CD38: variants seen among roughly 807,000 people sequenced by gnomAD.
The protein encoded by CD38 is CD38 molecule.
CD38 carries 31 observed loss-of-function variants against 36.3 expected under a neutral mutation model. That is an observed-to-expected ratio of 0.85 (90% CI 0.64 to 1.15). The LOEUF (loss-of-function observed/expected upper bound fraction) is 1.15, where lower values mean the gene tolerates loss of function less well. Among genes scored for constraint, CD38 ranks in the 50% most tolerant of loss-of-function variants. CD38 has a pLI of 0.00. For missense variants in CD38, 380 were observed against 371.9 expected (o/e 1.02, Z -0.18); for synonymous variants, 131 against 135.2 (o/e 0.97, Z 0.22).
At chr4:15,815,027 G>A (rs904941486) in intron 1 of CD38, among the ~76,000 whole-genome samples, 18 of 151,952 alleles carry the variant, frequency 1.2e-4, no homozygotes, top group African/African-American at 2.4e-4. Flanking sequence ...GGCTTGTCTC[G>A]AACTTATCAC....
chr4:15,779,797 C>T (rs1722650788), intron 1 of CD38, among the ~76,000 whole-genome samples: 1 of 149,226 alleles, frequency 6.7e-6, no homozygotes, highest in Non-Finnish European at 1.5e-5. Context: ...AAAGCAACCT[C>T]ATTAAAAAAA....
chr4:15,831,469 T>TTAATTAAATCCCTCACCTTTTGTTTG (rs1723957217), intron 3 of CD38, among the ~76,000 whole-genome samples: 1 of 152,190 alleles, frequency 6.6e-6, no homozygotes, highest in African/African-American at 2.4e-5. Context: ...AGGTCTCGTG[T>TTAATTAAATCCCTCACCTTTTGTTTG]TAATTAAATC....
intron 1 of CD38, among the ~76,000 whole-genome samples, chr4:15,790,409 C>T (rs1359857949): frequency 6.6e-6 from 1 of 152,098 alleles, no homozygotes; most frequent in Non-Finnish European, 1.5e-5. Context: ...AGCTCCTGAC[C>T]GCGAGTGATC....
Position 15,778,466 on chromosome 4 carries a change from C to T in CD38, c.52C>T (p.Leu18Phe), listed in dbSNP as rs772703691. Residue 18 changes from leucine (L) to phenylalanine (F), a missense_variant, in exon 1 of 8, where the codon CTC becomes TTC. Leu to Phe is a conservative substitution (Grantham distance 22). Transcript: ENST00000226279. The surrounding 1 kb of genome is among the most constrained non-coding windows in gnomAD (Gnocchi z 4.9). The part of the protein sequence containing the change: ...PVSGDKPCCR[L>F]SRRAQLCLGV... ...GTCCGGGGACAAACCCTGCTGCCGG[C>T]TCTCTAGGAGAGCCCAACTCTGTCT... 50 of 1,613,852 alleles carry T rather than the reference C, an allele frequency of 3.1e-5. No individual in the cohort carries two copies. Among genetic ancestry groups the T allele is most frequent in the Middle Eastern group, 3.3e-4 (2 of 6,084 alleles).
At chr4:15,783,142 C>A (rs771542155) in intron 1 of CD38, among the ~76,000 whole-genome samples, 3 of 152,168 alleles carry the variant, frequency 2.0e-5, no homozygotes, top group Admixed American at 6.5e-5. Flanking sequence ...CTGAAATACA[C>A]ATGGCCAAGA....
intron 1 of CD38, among the ~76,000 whole-genome samples, chr4:15,797,099 C>A (rs1457375173): frequency 6.6e-6 from 1 of 152,108 alleles, no homozygotes; most frequent in Non-Finnish European, 1.5e-5. Context: ...TTCCCCATAC[C>A]CATACTACCC....
rs1438140023 is a variant in CD38, at chr4:15,849,597, T to C, written c.*995T>C. 1 of 152,264 alleles carries C rather than the reference T, an allele frequency of 6.6e-6. No individual in the cohort carries two copies. Among genetic ancestry groups the C allele is most frequent in the Non-Finnish European group, 1.5e-5 (1 of 68,044 alleles). The allele number at this position is 152,264 out of a possible 1,614,324, so 9.4% of individuals were successfully genotyped here. On this transcript the variant is annotated 3_prime_UTR_variant, in exon 8 of 8. Coordinates refer to ENST00000226279, the MANE Select transcript of CD38 (RefSeq NM_001775.4). ...ACAGTTAAAATATACTTGTTGCTGG[T>C]ACTGGCAGCTTATATTTTCTCTCTT...
chr4:15,787,260 C>T (rs1372841892), intron 1 of CD38, among the ~76,000 whole-genome samples: 1 of 152,240 alleles, frequency 6.6e-6, no homozygotes, highest in Non-Finnish European at 1.5e-5. Flanking sequence ...TGTCTCCTCT[C>T]ATTAGGGTTG....
At chr4:15,816,290 T>C (rs1402537103) in intron 1 of CD38, among the ~76,000 whole-genome samples, 1 of 152,154 alleles carries the variant, frequency 6.6e-6, no homozygotes, top group Non-Finnish European at 1.5e-5. Flanking sequence ...AAATGACTTA[T>C]GGAGGAGTCC....
intron 1 of CD38, among the ~76,000 whole-genome samples, chr4:15,802,276 A>G (rs900525091): frequency 6.6e-6 from 1 of 152,084 alleles, no homozygotes; most frequent in Non-Finnish European, 1.5e-5. Context: ...ACACTAATAA[A>G]AGAAATTGAA....
At chr4:15,812,584 C>T (rs2148921279) in intron 1 of CD38, among the ~76,000 whole-genome samples, 1 of 152,270 alleles carries the variant, frequency 6.6e-6, no homozygotes, top group African/African-American at 2.4e-5. Context: ...CCTGTAATCC[C>T]AGCTACTCAG....
At position 15,822,201 on chromosome 4, in the gene CD38, TAAG is replaced by T. The variant is rs536563550; in HGVS notation, c.364-2677_364-2675del. Among the ~76,000 whole-genome samples the T allele has an allele frequency of 2.4e-3, 360 of 152,110 alleles. 2 individuals carry two copies. Among genetic ancestry groups the T allele is most frequent in the African/African-American group, 8.3e-3 (346 of 41,478 alleles). On this transcript the variant is annotated intron_variant, in intron 2 of 7. Transcript: ENST00000226279. ...ATCAAAGGAACATACCTCAAAATAA[TAAG>T]AACCATTTATGACAAACCCACAAGC...
intron 1 of CD38, among the ~76,000 whole-genome samples, chr4:15,787,984 C>T (rs1722878985): frequency 1.3e-5 from 2 of 152,256 alleles, no homozygotes. Flanking sequence ...CTTGTACCCA[C>T]TCCTCGCCCT....
At chr4:15,792,813 A>G (rs1198233734) in intron 1 of CD38, among the ~76,000 whole-genome samples, 1 of 152,218 alleles carries the variant, frequency 6.6e-6, no homozygotes, top group East Asian at 1.9e-4. Context: ...ATATCATCCA[A>G]TATCGATCAG....
intron 1 of CD38, among the ~76,000 whole-genome samples, chr4:15,812,567 G>A (rs1723496180): frequency 6.6e-6 from 1 of 152,138 alleles, no homozygotes; most frequent in Non-Finnish European, 1.5e-5. Context: ...GGGCATGGTG[G>A]CATGTGCCTG....
intron 5 of CD38, among the ~76,000 whole-genome samples, chr4:15,838,536 C>T (rs934687260): frequency 3.9e-5 from 6 of 152,168 alleles, no homozygotes; most frequent in Non-Finnish European, 8.8e-5. Flanking sequence ...CCCCTGCTCC[C>T]TTCTGTCTAA....
In CD38 at chr4:15,808,001, A is replaced by C. The variant is rs145839652; in HGVS notation, c.234-8510A>C. ...TATTCATTCTTCTGGGCCTGAAAGC[A>C]TATGTCTCATGCAGGAAGGAAGGCA... On this transcript the variant is annotated intron_variant, in intron 1 of 7. Coordinates refer to ENST00000226279, the MANE Select transcript of CD38 (RefSeq NM_001775.4). Among the ~76,000 whole-genome samples, 146 of 152,258 alleles carry C rather than the reference A, an allele frequency of 9.6e-4. 1 individual carries two copies. The highest frequency in any genetic ancestry group is 1.8e-3 in the Admixed American group (27 of 15,290).
intron 1 of CD38, among the ~76,000 whole-genome samples, chr4:15,801,371 A>G (rs1428278928): frequency 6.6e-6 from 1 of 152,158 alleles, no homozygotes; most frequent in Non-Finnish European, 1.5e-5. Flanking sequence ...AACTTTGAAA[A>G]ATAACTACCA....
At chr4:15,817,959 GT>G (rs1723637715) in intron 2 of CD38, among the ~76,000 whole-genome samples, 1 of 152,064 alleles carries the variant, frequency 6.6e-6, no homozygotes, top group South Asian at 2.1e-4. Context: ...AGGTGCAGGA[GT>G]TTTTTTCGTA....
Sources: allele counts gnomAD v4.1 joint callset (sites outside exome capture counted in the v4.1 genomes callset), GRCh38; gene constraint gnomAD v4.1.1; non-coding constraint Gnocchi (gnomAD v3.1); transcripts MANE v1.5; gene names NCBI Gene and HGNC (gene_info 2026-07-23, HGNC 2026-07-21).